The following PRKCA variants were observed in gnomAD, a reference collection of about 807,000 sequenced individuals.
PRKCA encodes the protein protein kinase C alpha type.
PRKCA carries 27 observed loss-of-function variants against 87.0 expected under a neutral mutation model. The ratio of observed to expected loss-of-function variants is 0.31; its 90% CI spans 0.23 to 0.43. PRKCA has a LOEUF of 0.43. Ranked by LOEUF, PRKCA falls within the 20% of genes least tolerant of loss-of-function variation. PRKCA has a pLI of 1.00. For synonymous variants in PRKCA, 329 were observed against 311.1 expected, an observed-to-expected ratio of 1.06 and a Z score of -0.61; for missense variants, 518 against 852.3, an observed-to-expected ratio of 0.61 and a Z score of 4.88.
At chr17:66,472,925 G>C (rs902668623) in intron 2 of PRKCA, among the ~76,000 whole-genome samples, 1 of 152,170 alleles carries the variant, frequency 6.6e-6, no homozygotes, top group African/African-American at 2.4e-5. Flanking sequence ...TTCTCTGCCA[G>C]ACTTTAGTCA....
At chr17:66,658,348 G>C (rs1337201577) in intron 5 of PRKCA, among the ~76,000 whole-genome samples, 1 of 152,152 alleles carries the variant, frequency 6.6e-6, no homozygotes, top group Non-Finnish European at 1.5e-5. Context: ...GGGCATGGTG[G>C]CAGACACCTG....
chr17:66,366,228 A>G (rs535050822), intron 2 of PRKCA, among the ~76,000 whole-genome samples: 2 of 152,014 alleles, frequency 1.3e-5, no homozygotes, highest in African/African-American at 2.4e-5. Flanking sequence ...TCATGATGCA[A>G]TTTACAGTAC....
chr17:66,682,682 G>T (rs1972523307), intron 5 of PRKCA, among the ~76,000 whole-genome samples: 1 of 151,896 alleles, frequency 6.6e-6, no homozygotes, highest in Non-Finnish European at 1.5e-5. Context: ...ATTTTCAATA[G>T]TGTGTGTATC....
At chr17:66,690,776 C>T (rs1033023190) in intron 8 of PRKCA, among the ~76,000 whole-genome samples, 2 of 146,642 alleles carry the variant, frequency 1.4e-5, no homozygotes, top group African/African-American at 5.1e-5. Flanking sequence ...TGCAGTGAGC[C>T]GAGTTTGTGC....
intron 3 of PRKCA, among the ~76,000 whole-genome samples, chr17:66,617,253 T>C (rs76466934): frequency 0.015 from 2,256 of 152,240 alleles, 66 homozygotes; most frequent in African/African-American, 0.051. Flanking sequence ...TTGACCTACC[T>C]CGGTATGGGC....
At chr17:66,801,925 G>A (rs1975909920) in intron 16 of PRKCA, among the ~76,000 whole-genome samples, 1 of 152,200 alleles carries the variant, frequency 6.6e-6, no homozygotes, top group South Asian at 2.1e-4. Context: ...TATTAAAATG[G>A]AAATAAGCCC....
intron 2 of PRKCA, among the ~76,000 whole-genome samples, chr17:66,315,260 C>T (rs1380808782): frequency 3.3e-5 from 5 of 152,106 alleles, no homozygotes; most frequent in East Asian, 1.9e-4. Context: ...GATGAGGAAA[C>T]AGGCACTGAG....
chr17:66,460,103 GTT>G (rs1307155832), intron 2 of PRKCA, among the ~76,000 whole-genome samples: 2 of 152,210 alleles, frequency 1.3e-5, no homozygotes, highest in African/African-American at 4.8e-5. Context: ...AGCCCACAGA[GTT>G]GTGTTGTTTT....
chr17:66,519,728 T>A (rs1023285080), intron 3 of PRKCA, among the ~76,000 whole-genome samples: 11 of 152,298 alleles, frequency 7.2e-5, no homozygotes, highest in Middle Eastern at 3.4e-3. Flanking sequence ...AGCATCAGTA[T>A]CACCTGGGAG....
chr17:66,337,110 A>G (rs1164476295), intron 2 of PRKCA, among the ~76,000 whole-genome samples: 1 of 151,840 alleles, frequency 6.6e-6, no homozygotes, highest in Non-Finnish European at 1.5e-5. Flanking sequence ...TTCTTTATTG[A>G]TGTAGGAATC....
chr17:66,317,844 T>G (rs913711112), intron 2 of PRKCA, among the ~76,000 whole-genome samples: 2 of 152,222 alleles, frequency 1.3e-5, no homozygotes, highest in Non-Finnish European at 1.5e-5. Context: ...ACATCCTAAG[T>G]GAATGAACTG....
chr17:66,429,692 C>T (rs183012826), intron 2 of PRKCA, among the ~76,000 whole-genome samples: 3 of 152,256 alleles, frequency 2.0e-5, no homozygotes. Flanking sequence ...TTCCTTCTCT[C>T]CTCACTGCCC....
intron 2 of PRKCA, among the ~76,000 whole-genome samples, chr17:66,368,386 A>ATTTTTTTTTT (rs1180540465): frequency 7.9e-5 from 2 of 25,468 alleles, no homozygotes; most frequent in African/African-American, 2.4e-4. Flanking sequence ...ATATATATAT[A>ATTTTTTTTTT]TTTTTTTTTT....
chr17:66,551,681 G>A (rs1968337610), intron 3 of PRKCA, among the ~76,000 whole-genome samples: 1 of 152,124 alleles, frequency 6.6e-6, no homozygotes, highest in Non-Finnish European at 1.5e-5. Flanking sequence ...CCAGGACAGG[G>A]GACAGGGGCA....
intron 2 of PRKCA, among the ~76,000 whole-genome samples, chr17:66,444,882 G>A (rs1429398442): frequency 1.3e-5 from 2 of 152,028 alleles, no homozygotes; most frequent in African/African-American, 4.8e-5. Flanking sequence ...TAGCATTTTA[G>A]AAAATCCCAC....
chr17:66,603,220 C>T (rs1970105973), intron 3 of PRKCA, among the ~76,000 whole-genome samples: 1 of 152,168 alleles, frequency 6.6e-6, no homozygotes, highest in Non-Finnish European at 1.5e-5. Context: ...AGGGCCAGTG[C>T]TCTCTCTCTG....
chr17:66,705,188 A>G (rs1973162432), intron 8 of PRKCA, among the ~76,000 whole-genome samples: 1 of 152,244 alleles, frequency 6.6e-6, no homozygotes, highest in Non-Finnish European at 1.5e-5. Context: ...AATCTATAAA[A>G]TGCACAGCAG....
At chr17:66,645,284 G>A in intron 4 of PRKCA, 99 bp from the exon 5 acceptor site, 1 of 1,527,672 alleles carries the variant, frequency 6.5e-7, no homozygotes, top group Non-Finnish European at 8.9e-7. Flanking sequence ...TATCGAGTTG[G>A]GGGTAACTCA....
At chr17:66,559,134 C>T (rs78119602) in intron 3 of PRKCA, among the ~76,000 whole-genome samples, 1,754 of 152,094 alleles carry the variant, frequency 0.012, 32 homozygotes, top group African/African-American at 0.04. Context: ...AAAAGGAGTC[C>T]TTGAATCAGA....
Sources: allele counts gnomAD v4.1 joint callset (sites outside exome capture counted in the v4.1 genomes callset), GRCh38; gene constraint gnomAD v4.1.1; transcripts MANE v1.5; gene names NCBI Gene and HGNC (gene_info 2026-07-23, HGNC 2026-07-21).